The following PPP2R1B variants were observed in gnomAD, a reference collection of about 807,000 sequenced individuals.
PPP2R1B encodes the protein protein phosphatase 2 scaffold subunit Abeta, also known as serine/threonine-protein phosphatase 2A 65 kDa regulatory subunit A beta isoform.
In PPP2R1B, 58 loss-of-function variants were observed where a neutral mutation model predicts 72.7. The observed-to-expected ratio is 0.80, with a 90% CI of 0.65 to 0.99. The LOEUF is 0.99. PPP2R1B is among the 50% of genes least tolerant of loss of function. The pLI is 0.00. For missense variants in PPP2R1B, 695 were observed against 733.6 expected (o/e 0.95, Z 0.61); for synonymous variants, 256 against 264.6 (o/e 0.97, Z 0.32).
chr11:111,766,068 G>C (rs1392718374), intron 1 of PPP2R1B, 180 bp downstream of exon 1: 2 of 638,164 alleles, frequency 3.1e-6, no homozygotes, highest in Non-Finnish European at 5.5e-6. Flanking sequence ...GAGGTACCCG[G>C]GAGGGTCGGG....
the PPP2R1B span, among the ~76,000 whole-genome samples, chr11:111,717,562 T>C: frequency 6.6e-6 from 1 of 152,180 alleles, no homozygotes; most frequent in South Asian, 2.1e-4. Flanking sequence ...GAGGCAGAAA[T>C]ACCATTTGAC....
At chr11:111,748,230 G>A (rs1055383162) in intron 10 of PPP2R1B, among the ~76,000 whole-genome samples, 3 of 152,220 alleles carry the variant, frequency 2.0e-5, no homozygotes, top group Non-Finnish European at 4.4e-5. Context: ...AGCTGGCATA[G>A]GCCCTGCTAG....
intron 9 of PPP2R1B, among the ~76,000 whole-genome samples, chr11:111,752,685 G>A (rs1411386098): frequency 2.0e-5 from 3 of 152,102 alleles, no homozygotes; most frequent in African/African-American, 7.2e-5. Flanking sequence ...TCTGTAAAAT[G>A]GGATAATTGG....
the PPP2R1B span, among the ~76,000 whole-genome samples, chr11:111,695,547 T>C: frequency 1.2e-3 from 183 of 152,364 alleles, 1 homozygote; most frequent in African/African-American, 3.9e-3. Flanking sequence ...TTAAATCTTA[T>C]GTATATTTTT....
chr11:111,723,346 A>T (rs1943862324), downstream of PPP2R1B: 4 of 800,166 alleles, frequency 5.0e-6, no homozygotes, highest in Non-Finnish European at 7.8e-6. Flanking sequence ...TAAGAGACCC[A>T]ACACAATTGG....
downstream of PPP2R1B, among the ~76,000 whole-genome samples, chr11:111,736,937 A>G (rs1002171694): frequency 6.6e-6 from 1 of 152,152 alleles, no homozygotes; most frequent in African/African-American, 2.4e-5. Context: ...GCTGGCACCC[A>G]CTGACTGCTG....
intron 10 of PPP2R1B, 57 bp downstream of exon 10, chr11:111,752,102 T>G: frequency 2.7e-6 from 4 of 1,503,040 alleles, no homozygotes; most frequent in Non-Finnish European, 2.7e-6. Flanking sequence ...CTACTTGCCA[T>G]GGTAAATTGT....
chr11:111,730,736 T>TAATA (rs1944164022), intron 15 of PPP2R1B: 1 of 152,192 alleles, frequency 6.6e-6, no homozygotes, highest in African/African-American at 2.4e-5. Context: ...AAATGCAGTG[T>TAATA]AATAAATAAT....
At chr11:111,702,627 A>G in the PPP2R1B span, among the ~76,000 whole-genome samples, 2 of 152,226 alleles carry the variant, frequency 1.3e-5, no homozygotes, top group African/African-American at 2.4e-5. Flanking sequence ...AGCGCCTGCC[A>G]TATAGTGACA....
the PPP2R1B span, among the ~76,000 whole-genome samples, chr11:111,690,114 G>GT: frequency 6.6e-6 from 1 of 151,716 alleles, no homozygotes; most frequent in South Asian, 2.1e-4. Flanking sequence ...ACTTCCATTT[G>GT]TTTTTTTCCC....
intron 5 of PPP2R1B, among the ~76,000 whole-genome samples, chr11:111,759,066 T>C (rs1945230545): frequency 6.6e-6 from 1 of 152,140 alleles, no homozygotes; most frequent in Non-Finnish European, 1.5e-5. Flanking sequence ...TAAGCACCAT[T>C]ACAGAGAAGC....
At chr11:111,757,277 T>C (rs1263431997) in intron 5 of PPP2R1B, among the ~76,000 whole-genome samples, 1 of 152,206 alleles carries the variant, frequency 6.6e-6, no homozygotes, top group South Asian at 2.1e-4. Flanking sequence ...ATAACAGTTA[T>C]GTATATACGT....
chr11:111,697,891 T>A, the PPP2R1B span, among the ~76,000 whole-genome samples: 1 of 151,992 alleles, frequency 6.6e-6, no homozygotes, highest in African/African-American at 2.4e-5. Flanking sequence ...GAGTCTATGG[T>A]CCCAGCTGCT....
chr11:111,736,138 C>T (rs1440674469), downstream of PPP2R1B, among the ~76,000 whole-genome samples: 2 of 152,146 alleles, frequency 1.3e-5, no homozygotes, highest in East Asian at 1.9e-4. Context: ...AATGATAGCA[C>T]CTACCACCTA....
At chr11:111,762,544 CCAG>C (rs1442164550) in intron 3 of PPP2R1B, among the ~76,000 whole-genome samples, 1 of 141,580 alleles carries the variant, frequency 7.1e-6, no homozygotes, top group African/African-American at 2.7e-5. Flanking sequence ...ACTTCACACT[CCAG>C]CAGTTCTTTT....
chr11:111,755,888 C>T (rs1476768357), intron 5 of PPP2R1B, among the ~76,000 whole-genome samples: 3 of 152,098 alleles, frequency 2.0e-5, no homozygotes, highest in African/African-American at 7.2e-5. Flanking sequence ...CGAGCCACTG[C>T]GCCTGGCCGT....
chr11:111,723,446 C>A, downstream of PPP2R1B: 1 of 1,522,482 alleles, frequency 6.6e-7, no homozygotes. Context: ...ATTAAAATTG[C>A]CATCACTTGA....
At chr11:111,708,830 C>G in the PPP2R1B span, among the ~76,000 whole-genome samples, 1 of 152,118 alleles carries the variant, frequency 6.6e-6, no homozygotes, top group South Asian at 2.1e-4. Flanking sequence ...TCAAGTAATC[C>G]TCCTACCGTG....
At chr11:111,734,364 A>G (rs577410779), downstream of PPP2R1B, among the ~76,000 whole-genome samples, 1 of 152,238 alleles carries the variant, frequency 6.6e-6, no homozygotes, top group Non-Finnish European at 1.5e-5. Context: ...GGCATCAGAC[A>G]TGGGTACCAC....
Sources: gnomAD v4.1 joint callset for allele counts (sites outside exome capture counted in the v4.1 genomes callset) on GRCh38, gnomAD v4.1.1 for gene constraint, MANE v1.5 for transcripts, NCBI Gene and HGNC (gene_info 2026-07-23, HGNC 2026-07-21) for gene names.